The following FBH1 variants were observed in gnomAD, a reference collection of about 807,000 sequenced individuals.
FBH1 encodes the protein DNA 3'-5' helicase 1.
A neutral mutation model predicts 115.5 loss-of-function variants in FBH1; 43 were observed. That is an observed-to-expected ratio of 0.37 (90% CI 0.29 to 0.48). The LOEUF is 0.48. FBH1 is among the 20% of genes least tolerant of loss of function. The probability of loss-of-function intolerance (pLI) is 0.99; values close to 1 mark genes in which losing one functional copy is unlikely to be tolerated. For missense variants in FBH1, 1,001 were observed against 1,337.3 expected (o/e 0.75, Z 3.92); for synonymous variants, 524 against 507.8 (o/e 1.03, Z -0.43).
intron 19 of FBH1, among the ~76,000 whole-genome samples, chr10:5,930,271 C>A (rs1002991697): frequency 1.3e-5 from 2 of 152,188 alleles, no homozygotes; most frequent in East Asian, 3.8e-4. Flanking sequence ...TGCCTTTTTA[C>A]AGTTGATTTG....
In FBH1 at chr10:5,910,929, G is replaced by T; in HGVS notation, c.1021-9G>T. 2 of 1,605,338 alleles carry T rather than the reference G, an allele frequency of 1.2e-6. No individual in the cohort carries two copies. The highest frequency in any genetic ancestry group is 1.1e-5 in the South Asian group (1 of 90,364). ...GCTGTCCCTCCCTCCCTGTGCACCT[G>T]GCTTGCAGGGTGTCAACATCTGGGC... On this transcript the variant is annotated splice_polypyrimidine_tract_variant and intron_variant, in intron 5 of 20. Transcript: ENST00000362091. This position sits in a 1 kb window ranked among gnomAD's most constrained non-coding sequence, Gnocchi z 4.8.
In FBH1 at chr10:5,913,308, T is replaced by C. The variant is rs1033388707; in HGVS notation, c.1212-439T>C. Among the ~76,000 whole-genome samples the C allele has an allele frequency of 6.6e-6, 1 of 152,108 alleles. No individual in the cohort carries two copies. Among genetic ancestry groups the C allele is most frequent in the Non-Finnish European group, 1.5e-5 (1 of 68,026 alleles). ...ATGCGTCTAAAGCAATGTCATGTCATAAGAGGTAGACAGTGGAGCGACCGA... is the reference window on the plus strand; with the variant it reads ...ATGCGTCTAAAGCAATGTCATGTCACAAGAGGTAGACAGTGGAGCGACCGA... On this transcript the variant is annotated intron_variant, in intron 6 of 20. Coordinates refer to ENST00000362091, the MANE Select transcript of FBH1 (RefSeq NM_178150.3). This position sits in a 1 kb window ranked among gnomAD's most constrained non-coding sequence, Gnocchi z 4.4.
chr10:5,915,507 G>C lies in FBH1; in HGVS notation c.1501G>C (p.Val501Leu), dbSNP rs139026492. The C allele has an allele frequency of 6.2e-7, 1 of 1,614,084 alleles. No individual in the cohort carries two copies. The highest frequency in any genetic ancestry group is 1.7e-5 in the Admixed American group (1 of 60,004). ...GAGCATCGCAAAGCAGGCCGAACGC[G>C]TCTTCCCCAGCAACGTCATCTGCAA... ...NKSIAKQAER[V>L]FPSNVICKTF... is the part of the protein sequence containing the mutation. The change falls in exon 9 of 21, where the codon GTC becomes CTC. Residue 501 changes from valine (V) to leucine (L), a missense_variant. Physicochemically the swap from Val to Leu is conservative, Grantham distance 32. Around this residue, in one of 4 missense-constraint regions of FBH1, gnomAD observed 521 missense variants for 811.0 expected, o/e 0.64. Transcript: ENST00000362091. The surrounding 1 kb of genome is among the most constrained non-coding windows in gnomAD (Gnocchi z 5.2).
At position 5,911,729 on chromosome 10, in the gene FBH1, A is replaced by T. The variant is rs1409427081; in HGVS notation, c.1211+601A>T. On this transcript the variant is annotated intron_variant, in intron 6 of 20. Coordinates refer to ENST00000362091, the MANE Select transcript of FBH1 (RefSeq NM_178150.3). This position sits in a 1 kb window ranked among gnomAD's most constrained non-coding sequence, Gnocchi z 5.4. ...GATCTAGTGAGGGAAGACAGGTCCT[A>T]TGTAAGTAAATGTGTGAAATGGCAT... is the stretch of plus-strand genomic sequence containing the variant. 6.6e-6 allele frequency among the ~76,000 whole-genome samples: 1 copy of T among 152,186 alleles called. No individual in the cohort carries two copies. The highest frequency in any genetic ancestry group is 1.5e-5 in the Non-Finnish European group (1 of 68,038).
chr10:5,908,826 G>C, intron 3 of FBH1, 99 bp from the exon 4 acceptor site: 1 of 1,350,644 alleles, frequency 7.4e-7, no homozygotes, highest in Non-Finnish European at 1.0e-6. Flanking sequence ...GGCCATGCTA[G>C]TCTCAAACTC....
In FBH1 at chr10:5,937,558, C is replaced by T. The variant is rs906770470; in HGVS notation, c.*278C>T. ...AATTTATGTATTTAAACTTTTATTACAAGATTTCAATTAAACAGGCACCAT... is the reference window on the plus strand; with the variant it reads ...AATTTATGTATTTAAACTTTTATTATAAGATTTCAATTAAACAGGCACCAT... On this transcript the variant is annotated 3_prime_UTR_variant, in exon 21 of 21. Coordinates refer to ENST00000362091, the MANE Select transcript of FBH1 (RefSeq NM_178150.3). 1.6e-5 allele frequency: 4 copies of T among 256,438 alleles called. No homozygotes were observed. Among genetic ancestry groups the T allele is most frequent in the African/African-American group, 8.9e-5 (4 of 44,960 alleles). The allele number at this position is 256,438 out of a possible 1,614,324, so 15.9% of individuals were successfully genotyped here.
intron 19 of FBH1, among the ~76,000 whole-genome samples, chr10:5,934,097 G>A (rs1224063051): frequency 1.3e-5 from 2 of 152,308 alleles, no homozygotes; most frequent in Middle Eastern, 3.4e-3. Flanking sequence ...CTAGGAAAGC[G>A]TGTTAAAAAT....
intron 18 of FBH1, among the ~76,000 whole-genome samples, chr10:5,926,092 G>GTTA (rs558928372): frequency 2.3e-5 from 3 of 128,918 alleles, no homozygotes; most frequent in African/African-American, 8.2e-5. Context: ...TGTTGTTGTT[G>GTTA]TTATTATTAT....
chr10:5,920,839 C>T (rs933223951), intron 13 of FBH1, among the ~76,000 whole-genome samples: 4 of 152,114 alleles, frequency 2.6e-5, no homozygotes, highest in East Asian at 3.8e-4. Flanking sequence ...GACAGAAAAC[C>T]GCGTGGGCTG....
At chr10:5,891,511 C>G (rs771336687) in intron 1 of FBH1, among the ~76,000 whole-genome samples, 1 of 152,190 alleles carries the variant, frequency 6.6e-6, no homozygotes, top group Middle Eastern at 3.2e-3. Flanking sequence ...TTACCCCTGC[C>G]CCTCTCCCAG....
chr10:5,914,208 A>G lies in FBH1; in HGVS notation c.1335A>G (p.Gln445=). ...AAACCATCCAACTTACACATGAACAACAGCTGATTCTGAATCACAAGATGG... is the reference window on the plus strand; with the variant it reads ...AAACCATCCAACTTACACATGAACAGCAGCTGATTCTGAATCACAAGATGG... ...GKKTIQLTHE[Q]QLILNHKMEP... Residue 445 remains glutamine, a synonymous_variant, in exon 8 of 21, where the codon CAA becomes CAG. Transcript: ENST00000362091. The surrounding 1 kb of genome is among the most constrained non-coding windows in gnomAD (Gnocchi z 5.2). The G allele has an allele frequency of 6.2e-7, 1 of 1,614,234 alleles. No homozygotes were observed. Among genetic ancestry groups the G allele is most frequent in the Non-Finnish European group, 8.5e-7 (1 of 1,180,044 alleles).
chr10:5,903,892 T>G (rs1395795293), intron 2 of FBH1, among the ~76,000 whole-genome samples: 1 of 152,230 alleles, frequency 6.6e-6, no homozygotes, highest in Non-Finnish European at 1.5e-5. Context: ...GGACCTGGAC[T>G]ACTACAGTAA....
chr10:5,896,217 C>T (rs1192545387), intron 1 of FBH1, among the ~76,000 whole-genome samples: 1 of 152,142 alleles, frequency 6.6e-6, no homozygotes, highest in Non-Finnish European at 1.5e-5. Context: ...AGGGTCTCAT[C>T]TCCATCGGGG....
At position 5,936,428 on chromosome 10, in the gene FBH1, A is replaced by G. The variant is rs780847221; in HGVS notation, c.2830-28A>G. 1.2e-6 allele frequency: 2 copies of G among 1,609,674 alleles called. No homozygotes were observed. Among genetic ancestry groups the G allele is most frequent in the Admixed American group, 1.7e-5 (1 of 59,858 alleles). The stretch of plus-strand genomic sequence containing the variant: ...AGACCCTAACGGAGGTGTCGCCATG[A>G]CTCTCTTTCTCGCTCTTTCTTTCTC... On this transcript the variant is annotated intron_variant, in intron 19 of 20. Transcript: ENST00000362091. The surrounding 1 kb of genome is among the most constrained non-coding windows in gnomAD (Gnocchi z 5.6).
At chr10:5,893,983 CAT>C in intron 1 of FBH1, 4 of 985,226 alleles carry the variant, frequency 4.1e-6, no homozygotes, top group Non-Finnish European at 4.8e-6. Context: ...TTAGGAAAAA[CAT>C]AGAACGGAAA....
chr10:5,916,437 T>G lies in FBH1; in HGVS notation c.1769T>G (p.Val590Gly). ...AACAGCCAAGGACAGAGAGTCATGG[T>G]TGAGCAGAGTGAAAAACTGGTGAGT... is the stretch of plus-strand genomic sequence containing the variant. ...CKNSQGQRVM[V>G]EQSEKLNGVL... The change falls in exon 10 of 21, where the codon GTT becomes GGT. Residue 590 changes from valine (V) to glycine (G), a missense_variant. By Grantham distance (109) the Val-to-Gly change is moderately radical. Transcript: ENST00000362091. 6.2e-7 allele frequency: 1 copy of G among 1,613,796 alleles called. No homozygotes were observed. The highest frequency in any genetic ancestry group is 8.5e-7 in the Non-Finnish European group (1 of 1,179,966).
intron 13 of FBH1, among the ~76,000 whole-genome samples, chr10:5,920,230 A>G (rs773156796): frequency 4.6e-5 from 7 of 152,206 alleles, no homozygotes; most frequent in Non-Finnish European, 7.3e-5. Context: ...TGGTTAGGCT[A>G]GAGTCCTGGG....
Position 5,937,212 on chromosome 10 carries a change from G to A in FBH1, c.3064G>A (p.Ala1022Thr), listed in dbSNP as rs751196575. The A allele has an allele frequency of 2.0e-5, 33 of 1,613,732 alleles. No individual in the cohort carries two copies. Among genetic ancestry groups the A allele is most frequent in the East Asian group, 1.1e-4 (5 of 44,892 alleles). ...GACAGCCTCCCCGGAGCAGGTGCGCGCCATGGAGCGCACTGTGGAGAACAT... is the reference window on the plus strand; with the variant it reads ...GACAGCCTCCCCGGAGCAGGTGCGCACCATGGAGCGCACTGTGGAGAACAT... ...FLTASPEQVR[A>T]MERTVENIVL... The change falls in exon 21 of 21, where the codon GCC becomes ACC. Residue 1022 changes from alanine (A) to threonine (T), a missense_variant. Physicochemically the swap from Ala to Thr is moderately conservative, Grantham distance 58. This residue lies in a region of FBH1 where 521 missense variants were observed against 811.0 expected (regional missense o/e 0.64). Transcript: ENST00000362091.
At position 5,923,465 on chromosome 10, in the gene FBH1, T is replaced by C. The variant is rs1218686992; in HGVS notation, c.2323-156T>C. 2 of 608,580 alleles carry C rather than the reference T, an allele frequency of 3.3e-6. No individual in the cohort carries two copies. 37.7% of individuals were successfully genotyped at this position (608,580 alleles called of 1,614,324 possible). ...CATGAAGTTTCCTGCTTGCCGCCTG[T>C]GCTTTGGGTGTCACTCAAGATCCAT... On this transcript the variant is annotated intron_variant, in intron 15 of 20. Transcript: ENST00000362091. This position sits in a 1 kb window ranked among gnomAD's most constrained non-coding sequence, Gnocchi z 5.7.
Sources: gnomAD v4.1 joint callset for allele counts (sites outside exome capture counted in the v4.1 genomes callset) on GRCh38, gnomAD v4.1.1 for gene constraint, gnomAD v4.1.1 regional missense constraint, Gnocchi (gnomAD v3.1) non-coding constraint, MANE v1.5 for transcripts, NCBI Gene and HGNC (gene_info 2026-07-23, HGNC 2026-07-21) for gene names.